The following MAN1A1 variants were observed in gnomAD, a reference collection of about 807,000 sequenced individuals.
The protein encoded by MAN1A1 is mannosyl-oligosaccharide 1,2-alpha-mannosidase IA.
A neutral mutation model predicts 70.8 loss-of-function variants in MAN1A1; 29 were observed. The observed-to-expected ratio is 0.41, with a 90% CI of 0.31 to 0.56. MAN1A1 has a LOEUF of 0.56. MAN1A1 is among the 20% of genes least tolerant of loss of function. MAN1A1 has a pLI of 0.29. For missense variants in MAN1A1, 747 were observed against 841.3 expected, an observed-to-expected ratio of 0.89 and a Z score of 1.39; for synonymous variants, 349 against 330.1, an observed-to-expected ratio of 1.06 and a Z score of -0.62.
intron 5 of MAN1A1, among the ~76,000 whole-genome samples, chr6:119,254,224 T>C (rs1775402537): frequency 6.6e-6 from 1 of 152,216 alleles, no homozygotes; most frequent in Admixed American, 6.5e-5. Context: ...GTACACTAAA[T>C]GGCACTTTAG....
chr6:119,267,956 C>A (rs1270116273), intron 5 of MAN1A1, among the ~76,000 whole-genome samples: 3 of 151,902 alleles, frequency 2.0e-5, no homozygotes, highest in Non-Finnish European at 4.4e-5. Context: ...TTGGCACATT[C>A]TTCCTTCTGT....
chr6:119,185,116 A>G (rs567886865), intron 11 of MAN1A1, among the ~76,000 whole-genome samples: 52 of 152,218 alleles, frequency 3.4e-4, no homozygotes, highest in African/African-American at 1.1e-3. Context: ...TCAAACTCCT[A>G]TCCTTGAGCC....
intron 5 of MAN1A1, among the ~76,000 whole-genome samples, chr6:119,256,414 A>T (rs73767298): frequency 0.32 from 47,565 of 147,646 alleles, 8,132 homozygotes; most frequent in Non-Finnish European, 0.35. Context: ...GTATCTCATT[A>T]TTTTTTTTTT....
intron 2 of MAN1A1, among the ~76,000 whole-genome samples, chr6:119,338,666 C>T (rs946767598): frequency 2.0e-5 from 3 of 152,172 alleles, no homozygotes; most frequent in African/African-American, 7.2e-5. Flanking sequence ...AAGATCCTTC[C>T]GCAGATCTCC....
intron 11 of MAN1A1, among the ~76,000 whole-genome samples, chr6:119,182,220 G>T (rs1222531364): frequency 1.3e-5 from 2 of 152,070 alleles, no homozygotes; most frequent in African/African-American, 4.8e-5. Context: ...TTGAAATCAG[G>T]TTGTTTTTCT....
intron 6 of MAN1A1, among the ~76,000 whole-genome samples, chr6:119,217,314 G>C (rs1215038246): frequency 6.7e-6 from 1 of 150,290 alleles, no homozygotes; most frequent in African/African-American, 2.5e-5. Flanking sequence ...ATGGAGTATT[G>C]CTCTGTCGCC....
At chr6:119,182,242 G>T (rs1287102347) in intron 11 of MAN1A1, among the ~76,000 whole-genome samples, 1 of 152,120 alleles carries the variant, frequency 6.6e-6, no homozygotes, top group Non-Finnish European at 1.5e-5. Flanking sequence ...CTACTGAATT[G>T]TAAGTTCCTT....
chr6:119,289,940 T>C (rs1158596105), intron 5 of MAN1A1, among the ~76,000 whole-genome samples: 1 of 152,040 alleles, frequency 6.6e-6, no homozygotes, highest in Non-Finnish European at 1.5e-5. Flanking sequence ...AGTTTTTCCA[T>C]AATGTCAACA....
intron 5 of MAN1A1, among the ~76,000 whole-genome samples, chr6:119,260,384 A>C (rs1290687621): frequency 1.3e-5 from 2 of 152,202 alleles, no homozygotes; most frequent in Admixed American, 1.3e-4. Flanking sequence ...TCTATTAGTC[A>C]ATATTTAGGT....
At chr6:119,331,663 T>C (rs1773319513) in intron 2 of MAN1A1, among the ~76,000 whole-genome samples, 1 of 150,584 alleles carries the variant, frequency 6.6e-6, no homozygotes, top group African/African-American at 2.4e-5. Context: ...TTGAGCACAA[T>C]ATTACTCTTG....
chr6:119,260,781 C>T (rs935204445), intron 5 of MAN1A1, among the ~76,000 whole-genome samples: 12 of 152,040 alleles, frequency 7.9e-5, no homozygotes, highest in African/African-American at 7.2e-5. Context: ...GCCTTAATAA[C>T]GATCATCATC....
rs11970091 is a variant in MAN1A1, at chr6:119,349,672, C to T, written c.-353G>A. On this transcript the variant is annotated 5_prime_UTR_variant, in exon 1 of 13. Transcript: ENST00000368468. ...CTGTCCCACGGTCCCGCAGCCCCGG[C>T]GCGGCTCAGGTGGGCGAGCGCGCCG... 13 of 985,878 alleles carry T rather than the reference C, an allele frequency of 1.3e-5. 1 individual carries two copies. The South Asian group carries it at 5.6e-4, about 43-fold the overall frequency. 61.1% of individuals were successfully genotyped at this position (985,878 alleles called of 1,614,324 possible). A position where few individuals can be genotyped will look rare whatever the true frequency, so the allele number is the denominator to read the frequency against.
In MAN1A1 at chr6:119,189,873, G is replaced by A. The variant is rs2114932849; in HGVS notation, c.1337C>T (p.Thr446Ile). 1 of 1,613,352 alleles carries A rather than the reference G, an allele frequency of 6.2e-7. No individual in the cohort carries two copies. The highest frequency in any genetic ancestry group is 1.1e-5 in the South Asian group (1 of 91,042). Reference protein sequence around the residue: ...MYFDAVQAIETHLIRKSSSGL... With the variant: ...MYFDAVQAIEIHLIRKSSSGL... ...GCTGCTAGACTTGCGGATCAAATGA[G>A]TCTCGATAGCCTGTGAAAAACACTT... Residue 446 changes from threonine (T) to isoleucine (I), a missense_variant, in exon 10 of 13, where the codon ACT becomes ATT. Thr to Ile is a moderately conservative substitution (Grantham distance 89). This residue lies in a region of MAN1A1 where 419 missense variants were observed against 548.2 expected (regional missense o/e 0.76). Coordinates refer to ENST00000368468, the MANE Select transcript of MAN1A1 (RefSeq NM_005907.4).
intron 5 of MAN1A1, among the ~76,000 whole-genome samples, chr6:119,277,719 G>A (rs1024140850): frequency 6.6e-6 from 1 of 151,744 alleles, no homozygotes; most frequent in African/African-American, 2.4e-5. Flanking sequence ...GGTGAATCAC[G>A]AGGTCAGGAG....
intron 5 of MAN1A1, among the ~76,000 whole-genome samples, chr6:119,279,717 T>C (rs1270238954): frequency 1.3e-5 from 2 of 152,202 alleles, no homozygotes; most frequent in Non-Finnish European, 2.9e-5. Context: ...ATTCCTACCT[T>C]CTCCTCCGCT....
At chr6:119,316,776 A>G (rs568401128) in intron 2 of MAN1A1, among the ~76,000 whole-genome samples, 21 of 152,158 alleles carry the variant, frequency 1.4e-4, no homozygotes, top group African/African-American at 4.8e-4. Flanking sequence ...TTTTTCTTTT[A>G]GATTCCTTTT....
chr6:119,219,347 A>G (rs1308325921), intron 6 of MAN1A1, among the ~76,000 whole-genome samples: 1 of 152,194 alleles, frequency 6.6e-6, no homozygotes, highest in Non-Finnish European at 1.5e-5. Context: ...ATCATTAAGC[A>G]GCATTTATGC....
In MAN1A1 at chr6:119,332,265, T is replaced by C. The variant is rs1342071140; in HGVS notation, c.603+16198A>G. 2.6e-5 allele frequency among the ~76,000 whole-genome samples: 4 copies of C among 152,120 alleles called. No homozygotes were observed. In the East Asian group the frequency reaches 7.7e-4, roughly 29 times the overall value. On this transcript the variant is annotated intron_variant, in intron 2 of 12. Transcript: ENST00000368468. ...CTCATTATTGATTTCCTTAATTATA[T>C]ATAATAACACTAACTGATGGTATAA...
intron 6 of MAN1A1, among the ~76,000 whole-genome samples, chr6:119,212,581 C>T (rs1774085665): frequency 6.6e-6 from 1 of 152,122 alleles, no homozygotes; most frequent in Non-Finnish European, 1.5e-5. Flanking sequence ...GATATCCTAC[C>T]CTGAAATGCT....
Sources: gnomAD v4.1 joint callset for allele counts (sites outside exome capture counted in the v4.1 genomes callset) on GRCh38, gnomAD v4.1.1 for gene constraint, gnomAD v4.1.1 regional missense constraint, MANE v1.5 for transcripts, NCBI Gene and HGNC (gene_info 2026-07-23, HGNC 2026-07-21) for gene names.